Variants in ADCY2 observed in about 807,000 individuals in gnomAD.
ADCY2 encodes adenylate cyclase 2.
A neutral mutation model predicts 125.2 loss-of-function variants in ADCY2; 31 were observed. The ratio of observed to expected loss-of-function variants is 0.25; its 90% CI spans 0.19 to 0.33. The LOEUF (loss-of-function observed/expected upper bound fraction) is 0.33, where lower values mean the gene tolerates loss of function less well. Ranked by LOEUF, ADCY2 falls within the 10% of genes least tolerant of loss-of-function variation. The pLI, the probability that ADCY2 is intolerant of heterozygous loss-of-function variation, is 1.00. For synonymous variants in ADCY2, 512 were observed against 548.4 expected, an observed-to-expected ratio of 0.93 and a Z score of 0.93; for missense variants, 904 against 1,418.2, an observed-to-expected ratio of 0.64 and a Z score of 5.82.
intron 3 of ADCY2, among the ~76,000 whole-genome samples, chr5:7,579,230 G>A (rs1397862162): frequency 6.6e-6 from 1 of 152,180 alleles, no homozygotes; most frequent in Non-Finnish European, 1.5e-5. Context: ...AATACTTAAA[G>A]GAGACAAACA....
At position 7,778,776 on chromosome 5, in the gene ADCY2, T is replaced by G. The variant is rs187762789; in HGVS notation, c.2385-5589T>G. Among the ~76,000 whole-genome samples, 233 of 152,288 alleles carry G rather than the reference T, an allele frequency of 1.5e-3. 1 individual carries two copies. Among genetic ancestry groups the G allele is most frequent in the Non-Finnish European group, 2.1e-4 (14 of 68,032 alleles). ...TTTTCACAATGTCCTAACGAGGGAT[T>G]GATTGATGATGAACTGAAGGAAAGT... On this transcript the variant is annotated intron_variant, in intron 18 of 24. Transcript: ENST00000338316.
At chr5:7,763,046 G>GT (rs1156260574) in intron 16 of ADCY2, among the ~76,000 whole-genome samples, 96 of 127,792 alleles carry the variant, frequency 7.5e-4, no homozygotes, top group African/African-American at 2.5e-3. Context: ...CATTTTCTTT[G>GT]TTTTTTTTGT....
chr5:7,638,089 G>A (rs918998782), intron 4 of ADCY2, among the ~76,000 whole-genome samples: 2 of 152,204 alleles, frequency 1.3e-5, no homozygotes, highest in African/African-American at 4.8e-5. Flanking sequence ...TCACTACTGT[G>A]CTGTGGACTC....
At chr5:7,804,040 A>AAGAGAG (rs57193249) in intron 21 of ADCY2, among the ~76,000 whole-genome samples, 2,025 of 106,484 alleles carry the variant, frequency 0.019, 87 homozygotes, top group Non-Finnish European at 0.028. Flanking sequence ...GGAGGGGGGA[A>AAGAGAG]AGAGAGAGAG....
In ADCY2 at chr5:7,650,217, GACACAC is replaced by G. The variant is rs3073883; in HGVS notation, c.720+23927_720+23932del. On this transcript the variant is annotated intron_variant, in intron 4 of 24. Transcript: ENST00000338316. ...GGTCACAAGTCCACGTGCAGGCACA[GACACAC>G]ACACACACACACACACACACACACA... is the stretch of plus-strand genomic sequence containing the variant. Among the ~76,000 whole-genome samples the G allele has an allele frequency of 7.6e-4, 113 of 147,806 alleles. 1 individual carries two copies. Among genetic ancestry groups the G allele is most frequent in the Admixed American group, 2.4e-3 (35 of 14,852 alleles).
At chr5:7,407,081 C>T (rs142715845) in intron 1 of ADCY2, among the ~76,000 whole-genome samples, 63 of 152,284 alleles carry the variant, frequency 4.1e-4, no homozygotes, top group Admixed American at 1.6e-3. Context: ...ATCTGAGGGT[C>T]GGATGAACTC....
chr5:7,529,236 G>GAACGAGGA (rs1734564091), intron 3 of ADCY2, among the ~76,000 whole-genome samples: 1 of 34,290 alleles, frequency 2.9e-5, no homozygotes, highest in African/African-American at 4.0e-5. Context: ...AGGGCAGCAG[G>GAACGAGGA]AATGAGGACT....
At chr5:7,641,728 A>G (rs192091459) in intron 4 of ADCY2, among the ~76,000 whole-genome samples, 1 of 152,112 alleles carries the variant, frequency 6.6e-6, no homozygotes, top group African/African-American at 2.4e-5. Flanking sequence ...CTTTATGTCC[A>G]TGAGTACCCA....
intron 3 of ADCY2, among the ~76,000 whole-genome samples, chr5:7,552,200 A>G (rs1400510529): frequency 6.6e-6 from 1 of 152,180 alleles, no homozygotes; most frequent in Non-Finnish European, 1.5e-5. Flanking sequence ...AAACCAGCTG[A>G]AGTACTGGGA....
intron 3 of ADCY2, among the ~76,000 whole-genome samples, chr5:7,526,756 T>C (rs533246657): frequency 2.6e-5 from 4 of 152,298 alleles, no homozygotes; most frequent in South Asian, 2.1e-4. Flanking sequence ...TAAATAATTG[T>C]TTTTTCTTTG....
chr5:7,792,126 C>T (rs1744266902), intron 20 of ADCY2, among the ~76,000 whole-genome samples: 1 of 147,852 alleles, frequency 6.8e-6, no homozygotes, highest in Admixed American at 7.0e-5. Context: ...TAATCTCATA[C>T]TTTGGGAGGC....
intron 3 of ADCY2, among the ~76,000 whole-genome samples, chr5:7,620,585 A>G (rs922829357): frequency 6.6e-6 from 1 of 152,204 alleles, no homozygotes; most frequent in African/African-American, 2.4e-5. Flanking sequence ...AGGGCTGTGA[A>G]AAATGCTAAG....
intron 3 of ADCY2, among the ~76,000 whole-genome samples, chr5:7,568,684 C>A (rs565036931): frequency 1.3e-5 from 2 of 152,136 alleles, no homozygotes; most frequent in African/African-American, 4.8e-5. Flanking sequence ...AGATAAAATA[C>A]GGCACTTTAG....
intron 3 of ADCY2, among the ~76,000 whole-genome samples, chr5:7,529,581 C>G (rs529099536): frequency 6.6e-6 from 1 of 152,294 alleles, no homozygotes; most frequent in East Asian, 1.9e-4. Context: ...GTGGGAAGAG[C>G]AAGCATTTTG....
intron 18 of ADCY2, among the ~76,000 whole-genome samples, chr5:7,779,361 T>C (rs1743841627): frequency 6.6e-6 from 1 of 152,194 alleles, no homozygotes; most frequent in African/African-American, 2.4e-5. Flanking sequence ...TTTCACAGGG[T>C]CTGTGGCATA....
intron 3 of ADCY2, among the ~76,000 whole-genome samples, chr5:7,569,777 A>G (rs1736016362): frequency 6.6e-6 from 1 of 152,124 alleles, no homozygotes; most frequent in African/African-American, 2.4e-5. Flanking sequence ...AGACAGAAAG[A>G]TTGGTTTTCT....
At chr5:7,494,716 G>C (rs1377694728) in intron 2 of ADCY2, among the ~76,000 whole-genome samples, 3 of 152,124 alleles carry the variant, frequency 2.0e-5, no homozygotes, top group Non-Finnish European at 4.4e-5. Flanking sequence ...GTAAGGACTT[G>C]GTAATGCTGT....
intron 19 of ADCY2, among the ~76,000 whole-genome samples, chr5:7,784,941 C>T (rs1032072162): frequency 1.3e-5 from 2 of 152,194 alleles, no homozygotes; most frequent in African/African-American, 4.8e-5. Flanking sequence ...TGAAACTGTT[C>T]TTCCTTCTTT....
At chr5:7,558,183 G>A (rs1735594313) in intron 3 of ADCY2, among the ~76,000 whole-genome samples, 2 of 151,986 alleles carry the variant, frequency 1.3e-5, no homozygotes, top group Admixed American at 6.6e-5. Context: ...CTCCACAGTA[G>A]CTGGGGTTAC....
Sources: allele counts gnomAD v4.1 joint callset (sites outside exome capture counted in the v4.1 genomes callset), GRCh38; gene constraint gnomAD v4.1.1; transcripts MANE v1.5; gene names NCBI Gene and HGNC (gene_info 2026-07-23, HGNC 2026-07-21).